The following B3GLCT variants were observed in gnomAD, a reference collection of about 807,000 sequenced individuals.
B3GLCT encodes the protein beta-1,3-glucosyltransferase.
A neutral mutation model predicts 63.4 loss-of-function variants in B3GLCT; 65 were observed. The observed-to-expected ratio is 1.03, with a 90% CI of 0.84 to 1.26. The LOEUF (loss-of-function observed/expected upper bound fraction) is 1.26, where lower values mean the gene tolerates loss of function less well. B3GLCT is among the 50% of genes most tolerant of loss of function. B3GLCT has a pLI of 0.00. For missense variants in B3GLCT, 577 were observed against 604.8 expected, an observed-to-expected ratio of 0.95 and a Z score of 0.48; for synonymous variants, 233 against 219.2, an observed-to-expected ratio of 1.06 and a Z score of -0.55.
Position 31,247,840 on chromosome 13 carries a change from G to A in B3GLCT, c.348-15G>A. 1 of 1,364,452 alleles carries A rather than the reference G, an allele frequency of 7.3e-7. No homozygotes were observed. Among genetic ancestry groups the A allele is most frequent in the Non-Finnish European group, 1.0e-6 (1 of 954,714 alleles). 84.5% of individuals were successfully genotyped at this position (1,364,452 alleles called of 1,614,324 possible). On this transcript the variant is annotated splice_polypyrimidine_tract_variant and intron_variant, in intron 5 of 14. Coordinates refer to ENST00000343307, the MANE Select transcript of B3GLCT (RefSeq NM_194318.4). ...TTTACAGAAGTGATTACTGAAACTT[G>A]TTTCTTTTGGTCAGTTTTTCTGTAA...
intron 12 of B3GLCT, chr13:31,312,302 A>T (rs1456311830): frequency 6.6e-6 from 1 of 152,248 alleles, no homozygotes; most frequent in Admixed American, 6.5e-5. Flanking sequence ...GAAATGTAAG[A>T]TGGAGTCTTT....
At chr13:31,308,189 G>A (rs1408485774) in intron 12 of B3GLCT, among the ~76,000 whole-genome samples, 1 of 41,428 alleles carries the variant, frequency 2.4e-5, no homozygotes, top group Admixed American at 2.7e-4. Context: ...TGGTGGGGTC[G>A]GGGGAGGGGG....
intron 12 of B3GLCT, among the ~76,000 whole-genome samples, chr13:31,291,963 G>A (rs1364655100): frequency 6.6e-6 from 1 of 152,086 alleles, no homozygotes; most frequent in African/African-American, 2.4e-5. Context: ...GTCATAAATA[G>A]CTCTTATTAT....
intron 8 of B3GLCT, among the ~76,000 whole-genome samples, chr13:31,274,209 A>T (rs1359170196): frequency 6.6e-6 from 1 of 152,136 alleles, no homozygotes; most frequent in African/African-American, 2.4e-5. Context: ...ATTTTCTTAC[A>T]TCTCTCTCTG....
At chr13:31,223,122 GC>G in intron 3 of B3GLCT, 131 bp downstream of exon 3, 1 of 688,732 alleles carries the variant, frequency 1.5e-6, no homozygotes, top group Non-Finnish European at 2.5e-6. Flanking sequence ...TCTGTCTTTG[GC>G]CCAGCCTAAC....
At chr13:31,295,905 G>T (rs985361576) in intron 12 of B3GLCT, among the ~76,000 whole-genome samples, 1 of 152,194 alleles carries the variant, frequency 6.6e-6, no homozygotes, top group East Asian at 1.9e-4. Context: ...CCAAATGGCT[G>T]CCCAGTTTTG....
chr13:31,308,355 A>AAAT (rs1555254575), intron 12 of B3GLCT, among the ~76,000 whole-genome samples: 1 of 54,918 alleles, frequency 1.8e-5, no homozygotes, highest in African/African-American at 4.3e-5. Flanking sequence ...ATTAAAAAAA[A>AAAT]AAAAACAAAA....
chr13:31,214,411 T>A (rs1869448597), intron 1 of B3GLCT, among the ~76,000 whole-genome samples: 1 of 152,242 alleles, frequency 6.6e-6, no homozygotes, highest in African/African-American at 2.4e-5. Flanking sequence ...AATGTGGCTC[T>A]AGGGATATCT....
At chr13:31,241,883 T>C (rs1170180732) in intron 4 of B3GLCT, among the ~76,000 whole-genome samples, 1 of 152,150 alleles carries the variant, frequency 6.6e-6, no homozygotes, top group Non-Finnish European at 1.5e-5. Context: ...TTTGAGGGAT[T>C]AGTGAGACAT....
chr13:31,270,269 A>C (rs553568744), intron 8 of B3GLCT, among the ~76,000 whole-genome samples: 1 of 152,364 alleles, frequency 6.6e-6, no homozygotes, highest in African/African-American at 2.4e-5. Context: ...AAATCTTGAC[A>C]TGTAATTCAG....
chr13:31,311,046 G>C (rs762087564), intron 12 of B3GLCT, among the ~76,000 whole-genome samples: 1 of 152,260 alleles, frequency 6.6e-6, no homozygotes, highest in Non-Finnish European at 1.5e-5. Context: ...CAACCGTGGA[G>C]ATTTCTGGCT....
intron 7 of B3GLCT, among the ~76,000 whole-genome samples, chr13:31,263,095 G>A (rs1431098590): frequency 6.6e-6 from 1 of 152,198 alleles, no homozygotes; most frequent in Non-Finnish European, 1.5e-5. Flanking sequence ...TATGGCAAGC[G>A]GGGGTGTAAT....
At chr13:31,240,106 G>T (rs981896923) in intron 4 of B3GLCT, among the ~76,000 whole-genome samples, 4 of 152,074 alleles carry the variant, frequency 2.6e-5, no homozygotes, top group African/African-American at 4.8e-5. Flanking sequence ...ATGGTTCCAG[G>T]CAAGGCAACC....
chr13:31,256,234 A>G (rs1427462581), intron 6 of B3GLCT, among the ~76,000 whole-genome samples: 6 of 152,378 alleles, frequency 3.9e-5, no homozygotes, highest in East Asian at 1.9e-4. Context: ...ACAATGAGGT[A>G]CCATCTCATG....
intron 1 of B3GLCT, among the ~76,000 whole-genome samples, chr13:31,200,452 G>GGCGGGCGACGGGGCGGCGAGGGCGCA: frequency 6.7e-6 from 1 of 149,980 alleles, no homozygotes; most frequent in East Asian, 2.0e-4. Context: ...GCCCCGAACC[G>GGCGGGCGACGGGGCGGCGAGGGCGCA]GCGGGCGACG....
chr13:31,237,127 A>AG (rs1870692621), intron 4 of B3GLCT, among the ~76,000 whole-genome samples: 1 of 146,046 alleles, frequency 6.8e-6, no homozygotes, highest in Non-Finnish European at 1.5e-5. Flanking sequence ...CTCCATCTCA[A>AG]AAAAAAAAAA....
intron 13 of B3GLCT, among the ~76,000 whole-genome samples, chr13:31,322,503 C>T (rs929175294): frequency 4.6e-5 from 7 of 152,158 alleles, no homozygotes; most frequent in African/African-American, 1.7e-4. Context: ...TGTTCTTTCC[C>T]ACGATGATAT....
chr13:31,248,676 G>A (rs936054447), intron 6 of B3GLCT, among the ~76,000 whole-genome samples: 36 of 152,174 alleles, frequency 2.4e-4, no homozygotes, highest in African/African-American at 8.4e-4. Context: ...TTGAACTAGA[G>A]GAACTCAGTG....
intron 2 of B3GLCT, among the ~76,000 whole-genome samples, chr13:31,218,493 G>T (rs1869666541): frequency 6.6e-6 from 1 of 152,088 alleles, no homozygotes. Flanking sequence ...GCCTTTTTGT[G>T]AATGGGATTG....
Sources: allele counts gnomAD v4.1 joint callset (sites outside exome capture counted in the v4.1 genomes callset), GRCh38; gene constraint gnomAD v4.1.1; transcripts MANE v1.5; gene names NCBI Gene and HGNC (gene_info 2026-07-23, HGNC 2026-07-21).